The following STK39 variants were observed in gnomAD, a reference collection of about 807,000 sequenced individuals.
STK39 encodes the protein STE20/SPS1-related proline-alanine-rich protein kinase.
STK39 carries 20 observed loss-of-function variants against 77.8 expected under a neutral mutation model. The observed-to-expected ratio is 0.26, with a 90% CI of 0.18 to 0.37. The LOEUF is 0.37. STK39 is among the 10% of genes least tolerant of loss of function. The pLI is 1.00. For synonymous variants in STK39, 246 were observed against 234.1 expected (o/e 1.05, Z -0.47); for missense variants, 479 against 656.5 (o/e 0.73, Z 2.95).
chr2:168,173,611 G>C (rs1218663784), intron 2 of STK39, among the ~76,000 whole-genome samples: 2 of 152,092 alleles, frequency 1.3e-5, no homozygotes, highest in South Asian at 2.1e-4. Flanking sequence ...AGGCTAGAAT[G>C]CAATGGTGAA....
At position 168,182,104 on chromosome 2, in the gene STK39, A is replaced by G. The variant is rs1268953794; in HGVS notation, c.209-14T>C. On this transcript the variant is annotated splice_polypyrimidine_tract_variant and intron_variant, in intron 1 of 17. Coordinates refer to ENST00000355999, the MANE Select transcript of STK39 (RefSeq NM_013233.3). The stretch of plus-strand genomic sequence containing the variant: ...TAGCTCCACTGCCTGCAATGAAATA[A>G]AAACAACATCAGCGATCAAATGGCA... The G allele has an allele frequency of 3.1e-6, 5 of 1,608,462 alleles. No homozygotes were observed. The highest frequency in any genetic ancestry group is 1.7e-5 in the Admixed American group (1 of 59,996).
intron 13 of STK39, among the ~76,000 whole-genome samples, chr2:168,064,106 T>C (rs1028141219): frequency 2.0e-5 from 3 of 151,840 alleles, no homozygotes; most frequent in Admixed American, 2.0e-4. Context: ...ATTGTTGGAG[T>C]AGAAAAAATA....
chr2:168,190,072 C>G lies in STK39; in HGVS notation c.209-7982G>C, dbSNP rs531127663. 2.6e-5 allele frequency among the ~76,000 whole-genome samples: 4 copies of G among 152,280 alleles called. No individual in the cohort carries two copies. The South Asian group carries it at 8.3e-4, about 32-fold the overall frequency. On this transcript the variant is annotated intron_variant, in intron 1 of 17. Transcript: ENST00000355999. ...ACCATTCCCAGGCAGGGACTCTCTACCTACTTCATCCTAGAACTTCTATGC... is the reference window on the plus strand; with the variant it reads ...ACCATTCCCAGGCAGGGACTCTCTAGCTACTTCATCCTAGAACTTCTATGC...
At chr2:168,174,353 C>T (rs1205121325) in intron 2 of STK39, among the ~76,000 whole-genome samples, 1 of 152,002 alleles carries the variant, frequency 6.6e-6, no homozygotes, top group South Asian at 2.1e-4. Context: ...CTACTTGCTT[C>T]GTTATAATGT....
At chr2:168,211,905 A>G (rs4392219) in intron 1 of STK39, among the ~76,000 whole-genome samples, 66,503 of 152,048 alleles carry the variant, frequency 0.44, 16,829 homozygotes, top group East Asian at 0.77. Context: ...CAGGGTGTGC[A>G]TACCAGCTGC....
rs769541748 is a variant in STK39 at position 168,104,228 on chromosome 2, C to A, written c.1089+25313G>T. The stretch of plus-strand genomic sequence containing the variant: ...AGTATTTGAGGGAAGGTTTACATAT[C>A]TGAGCACTTTTATTTACCAGTTGAT... On this transcript the variant is annotated intron_variant, in intron 10 of 17. Transcript: ENST00000355999. Among the ~76,000 whole-genome samples the A allele has an allele frequency of 4.6e-5, 7 of 152,242 alleles. No homozygotes were observed. In the Middle Eastern group the frequency reaches 0.014, roughly 296 times the overall value.
intron 5 of STK39, among the ~76,000 whole-genome samples, chr2:168,159,370 C>T (rs980179881): frequency 2.0e-5 from 3 of 152,130 alleles, no homozygotes; most frequent in Non-Finnish European, 4.4e-5. Flanking sequence ...CTCTTCCCCC[C>T]GATCTCGCCT....
At chr2:168,199,590 C>T (rs551377162) in intron 1 of STK39, among the ~76,000 whole-genome samples, 9 of 151,496 alleles carry the variant, frequency 5.9e-5, no homozygotes, top group African/African-American at 1.9e-4. Flanking sequence ...TGCAGTGGCA[C>T]GATCTCGGCT....
chr2:168,242,962 T>G (rs1452797395), intron 1 of STK39, among the ~76,000 whole-genome samples: 2 of 144,972 alleles, frequency 1.4e-5, no homozygotes, highest in Admixed American at 1.3e-4. Context: ...AAAAAGAAAG[T>G]GAAATGAAAT....
At chr2:168,008,501 A>C (rs1684189204) in intron 16 of STK39, among the ~76,000 whole-genome samples, 2 of 152,204 alleles carry the variant, frequency 1.3e-5, no homozygotes, top group South Asian at 2.1e-4. Flanking sequence ...CTGTGGATTA[A>C]ATCTTGGATG....
intron 1 of STK39, among the ~76,000 whole-genome samples, chr2:168,198,044 A>AC (rs1689519746): frequency 6.6e-6 from 1 of 151,848 alleles, no homozygotes; most frequent in African/African-American, 2.4e-5. Flanking sequence ...GTCTCAAAAA[A>AC]AAAAAAAAAG....
At chr2:168,095,968 C>A (rs1477234838) in intron 10 of STK39, among the ~76,000 whole-genome samples, 1 of 151,930 alleles carries the variant, frequency 6.6e-6, no homozygotes, top group Non-Finnish European at 1.5e-5. Context: ...TGTTATTTTC[C>A]CAAGAAAAAT....
intron 1 of STK39, among the ~76,000 whole-genome samples, chr2:168,246,779 C>T (rs1198937155): frequency 1.3e-5 from 2 of 152,072 alleles, no homozygotes; most frequent in Non-Finnish European, 2.9e-5. Flanking sequence ...CCCGCAGAGT[C>T]CCCCAGGACG....
chr2:168,104,034 C>T (rs1205907701), intron 10 of STK39, among the ~76,000 whole-genome samples: 2 of 152,174 alleles, frequency 1.3e-5, no homozygotes, highest in Admixed American at 6.5e-5. Context: ...CCACACCAGC[C>T]GACATGGGGA....
intron 1 of STK39, among the ~76,000 whole-genome samples, chr2:168,219,311 T>A (rs1192661180): frequency 6.6e-6 from 1 of 151,948 alleles, no homozygotes; most frequent in Non-Finnish European, 1.5e-5. Context: ...TCTTCAGATA[T>A]TTTCGGTGTG....
intron 16 of STK39, among the ~76,000 whole-genome samples, chr2:167,988,635 G>C (rs1240096975): frequency 6.6e-6 from 1 of 151,950 alleles, no homozygotes; most frequent in African/African-American, 2.4e-5. Flanking sequence ...ATAGGTGAAG[G>C]CTTTATCTTG....
chr2:168,075,688 A>T (rs1234302125), intron 10 of STK39, among the ~76,000 whole-genome samples: 6 of 151,712 alleles, frequency 4.0e-5, no homozygotes, highest in Non-Finnish European at 8.8e-5. Flanking sequence ...GGTATTGGCA[A>T]TCTAAAAACC....
intron 1 of STK39, among the ~76,000 whole-genome samples, chr2:168,193,600 G>C (rs1183617853): frequency 6.6e-6 from 1 of 152,218 alleles, no homozygotes; most frequent in Non-Finnish European, 1.5e-5. Context: ...TCCTAAGTGA[G>C]GCCACCTGCA....
chr2:168,168,716 G>A (rs1688749058), intron 2 of STK39, among the ~76,000 whole-genome samples: 2 of 152,280 alleles, frequency 1.3e-5, no homozygotes, highest in South Asian at 4.2e-4. Context: ...TTTGGCTGGG[G>A]GCAGTGGCTC....
Sources: gnomAD v4.1 joint callset for allele counts (sites outside exome capture counted in the v4.1 genomes callset) on GRCh38, gnomAD v4.1.1 for gene constraint, MANE v1.5 for transcripts, NCBI Gene and HGNC (gene_info 2026-07-23, HGNC 2026-07-21) for gene names.